Variants in LLGL2 observed in about 807,000 individuals in gnomAD.
LLGL2 encodes the protein LLGL scribble cell polarity complex component 2.
A neutral mutation model predicts 123.2 loss-of-function variants in LLGL2; 81 were observed. That is an observed-to-expected ratio of 0.66 (90% CI 0.55 to 0.79). LLGL2 has a LOEUF of 0.79. Ranked by LOEUF, LLGL2 falls within the 30% of genes least tolerant of loss-of-function variation. LLGL2 has a pLI of 0.00. For synonymous variants in LLGL2, 577 were observed against 594.1 expected (o/e 0.97, Z 0.42); for missense variants, 1,273 against 1,414.6 (o/e 0.90, Z 1.61).
rs1326747099 is a variant in LLGL2 at position 75,537,808 on chromosome 17, C to CT, written c.-30-5589_-30-5588insT. ...GATGGGAAGGCTTTTTGGAAGGTGA[C>CT]CTTTTTTTTTTTTTTTTTTTGAGAC... is the stretch of plus-strand genomic sequence containing the variant. On this transcript the variant is annotated intron_variant, in intron 1 of 25. Coordinates refer to ENST00000392550, the MANE Select transcript of LLGL2 (RefSeq NM_001031803.2). Among the ~76,000 whole-genome samples the CT allele has an allele frequency of 3.1e-4, 44 of 139,766 alleles. No individual in the cohort carries two copies. In the East Asian group the frequency reaches 7.1e-3, roughly 22 times the overall value. The allele number at this position is 139,766 out of a possible 152,430, so 91.7% of individuals were successfully genotyped here. A position where few individuals can be genotyped will look rare whatever the true frequency, so the allele number is the denominator to read the frequency against.
At chr17:75,527,480 T>G (rs2053613821) in intron 1 of LLGL2, among the ~76,000 whole-genome samples, 1 of 152,158 alleles carries the variant, frequency 6.6e-6, no homozygotes, top group Non-Finnish European at 1.5e-5. Flanking sequence ...GCAAGGGAGT[T>G]TCCCCTTTGG....
At position 75,558,918 on chromosome 17, in the gene LLGL2, C is replaced by T. The variant is rs1271628664; in HGVS notation, c.371+291C>T. On this transcript the variant is annotated intron_variant, in intron 5 of 25. Transcript: ENST00000392550. This position sits in a 1 kb window ranked among gnomAD's most constrained non-coding sequence, Gnocchi z 4.0. ...CCATCCACACCACGCCTCCTCCATC[C>T]GCACCCCACCTCCTCCATCCGCACC... 5.4e-4 allele frequency: 86 copies of T among 159,060 alleles called. 8 individuals are homozygous for T. Among genetic ancestry groups the T allele is most frequent in the African/African-American group, 3.1e-3 (71 of 22,758 alleles). The allele number at this position is 159,060 out of a possible 1,614,324, so 9.9% of individuals were successfully genotyped here.
At chr17:75,525,646 C>G (rs2053530868), upstream of LLGL2, 1 of 150,250 alleles carries the variant, frequency 6.7e-6, no homozygotes, top group Admixed American at 6.6e-5. The surrounding 1 kb of genome is among the most constrained non-coding windows in gnomAD (Gnocchi z 4.8). Flanking sequence ...GCGCTGGGCC[C>G]CGGCAGGCTC....
chr17:75,571,234 A>T, intron 17 of LLGL2, 134 bp downstream of exon 17: 1 of 834,252 alleles, frequency 1.2e-6, no homozygotes, highest in Non-Finnish European at 1.9e-6. Flanking sequence ...GCAGGGGCAG[A>T]CTGCAGCCCC....
chr17:75,560,802 TAAAAAAAAAA>T (rs372940306), intron 6 of LLGL2, among the ~76,000 whole-genome samples: 3,368 of 96,154 alleles, frequency 0.035, 79 homozygotes, highest in Middle Eastern at 0.086. Flanking sequence ...GTTTATTTAT[TAAAAAAAAAA>T]AAAAAAAAAA....
In LLGL2 at chr17:75,549,667, G is replaced by GGA. The variant is rs1431211553; in HGVS notation, c.75+6168_75+6169dup. ...TCGGGCAGAGTGGCCCGGCCAGGCA[G>GGA]GAGTGCTCCCCCAAGGTGCTGGGCA... On this transcript the variant is annotated intron_variant, in intron 2 of 25. Transcript: ENST00000392550. This position sits in a 1 kb window ranked among gnomAD's most constrained non-coding sequence, Gnocchi z 4.0. 7.9e-5 allele frequency among the ~76,000 whole-genome samples: 12 copies of GGA among 152,346 alleles called. No homozygotes were observed. In the East Asian group the frequency reaches 1.9e-3, roughly 24 times the overall value.
intron 20 of LLGL2, 39 bp from the exon 21 acceptor site, chr17:75,573,442 C>T: frequency 6.3e-6 from 10 of 1,588,538 alleles, no homozygotes; most frequent in Non-Finnish European, 8.6e-6. Flanking sequence ...GCCTTGGCAG[C>T]CGCCAGGCCA....
intron 1 of LLGL2, among the ~76,000 whole-genome samples, chr17:75,526,609 G>A (rs561807019): frequency 6.6e-6 from 1 of 152,228 alleles, no homozygotes; most frequent in South Asian, 2.1e-4. Context: ...ACCTGAACAG[G>A]TGAGCTTTGA....
rs753151934 is a variant in LLGL2, at chr17:75,570,393, C to G, written c.1920C>G (p.Leu640=). 1.9e-6 allele frequency: 3 copies of G among 1,611,066 alleles called. No homozygotes were observed. The highest frequency in any genetic ancestry group is 1.7e-6 in the Non-Finnish European group (2 of 1,179,174). Residue 640 remains leucine (L), a synonymous_variant, in exon 16 of 26, where the codon CTC becomes CTG. Transcript: ENST00000392550. The part of the protein sequence containing the change: ...PSDQLALEGP[L]SRVKSLKKSL... ...ACCAGCTGGCCTTGGAGGGCCCACT[C>G]TCCCGCGTCAAGTCCCTCAAGAAGT...
Position 75,574,386 on chromosome 17 carries a change from G to A in LLGL2, c.2954-67G>A, listed in dbSNP as rs2055878086. ...ATCCATGGGCACCCACGGAGAAAGG[G>A]GGTGGAAGGGCTGTGGCTAGCCGCC... is the stretch of plus-strand genomic sequence containing the variant. On this transcript the variant is annotated intron_variant, in intron 23 of 25. Transcript: ENST00000392550. The A allele has an allele frequency of 2.6e-6, 4 of 1,543,116 alleles. No individual in the cohort carries two copies. The South Asian group carries it at 4.8e-5, about 18-fold the overall frequency.
At chr17:75,555,503 G>A (rs994470784) in intron 2 of LLGL2, among the ~76,000 whole-genome samples, 5 of 152,168 alleles carry the variant, frequency 3.3e-5, no homozygotes, top group African/African-American at 1.2e-4. Flanking sequence ...CTGGGAAGAT[G>A]GTTGGAATTT....
At chr17:75,569,506 C>T (rs142394959) in intron 14 of LLGL2, among the ~76,000 whole-genome samples, 181 bp downstream of exon 14, 1 of 152,272 alleles carries the variant, frequency 6.6e-6, no homozygotes, top group East Asian at 1.9e-4. Flanking sequence ...CTCCAGAAAT[C>T]GGAATTAAGG....
In LLGL2 at chr17:75,570,474, G is replaced by C. The variant is rs751128543; in HGVS notation, c.2001G>C (p.Arg667=). 3 of 1,581,612 alleles carry C rather than the reference G, an allele frequency of 1.9e-6. No homozygotes were observed. In the African/African-American group the frequency reaches 4.0e-5, roughly 21 times the overall value. ...GGAGCCGGGTGTCCAGCCGGAAGCGGCACCCGGCTGGCCCCCCAGGAGAGG... is the reference window on the plus strand; with the variant it reads ...GGAGCCGGGTGTCCAGCCGGAAGCGCCACCCGGCTGGCCCCCCAGGAGAGG... ...MRRSRVSSRK[R]HPAGPPGEAQ... The change falls in exon 16 of 26, where the codon CGG becomes CGC. Residue 667 remains arginine, a synonymous_variant. Transcript: ENST00000392550.
rs1431774891 is a variant in LLGL2, at chr17:75,564,734, C to T, written c.1036+227C>T. The T allele has an allele frequency of 2.3e-5, 14 of 608,728 alleles. No individual in the cohort carries two copies. The highest frequency in any genetic ancestry group is 5.5e-5 in the South Asian group (2 of 36,364). The allele number at this position is 608,728 out of a possible 1,614,324, so 37.7% of individuals were successfully genotyped here. A position where few individuals can be genotyped will look rare whatever the true frequency, so the allele number is the denominator to read the frequency against. Reference sequence around the variant, plus strand: ...AAAAAATTAGCCAGGTGTTGTGGCACGTACCTGTAGTCCTAGCTACTCAGG... The same window carrying T: ...AAAAAATTAGCCAGGTGTTGTGGCATGTACCTGTAGTCCTAGCTACTCAGG... On this transcript the variant is annotated intron_variant, in intron 10 of 25. Transcript: ENST00000392550. This position sits in a 1 kb window ranked among gnomAD's most constrained non-coding sequence, Gnocchi z 4.9.
chr17:75,560,863 T>C (rs1275841404), intron 6 of LLGL2, among the ~76,000 whole-genome samples: 1 of 143,912 alleles, frequency 6.9e-6, no homozygotes, highest in African/African-American at 2.6e-5. Flanking sequence ...TGAGAGAGTC[T>C]TACTCTGTCC....
In LLGL2 at chr17:75,559,505, C is replaced by T. The variant is rs1185675231; in HGVS notation, c.530+95C>T. On this transcript the variant is annotated intron_variant, in intron 6 of 25. Coordinates refer to ENST00000392550, the MANE Select transcript of LLGL2 (RefSeq NM_001031803.2). This position sits in a 1 kb window ranked among gnomAD's most constrained non-coding sequence, Gnocchi z 4.6. ...AGGACTCTGTCAGGAGCTGTCATTTCTCTGCTGGGAATTCCATGGGGCTAT... is the reference window on the plus strand; with the variant it reads ...AGGACTCTGTCAGGAGCTGTCATTTTTCTGCTGGGAATTCCATGGGGCTAT... 4.8e-6 allele frequency: 7 copies of T among 1,447,624 alleles called. No individual in the cohort carries two copies. Among genetic ancestry groups the T allele is most frequent in the Non-Finnish European group, 3.7e-6 (4 of 1,084,508 alleles). The allele number at this position is 1,447,624 out of a possible 1,614,324, so 89.7% of individuals were successfully genotyped here.
rs1598594808 is a variant in LLGL2 at position 75,558,691 on chromosome 17, G to A, written c.371+64G>A. On this transcript the variant is annotated intron_variant, in intron 5 of 25. Transcript: ENST00000392550. This position sits in a 1 kb window ranked among gnomAD's most constrained non-coding sequence, Gnocchi z 4.0. ...AGCCTGACCCTTGCCCTTAGCTCTG[G>A]AGTGGACTCACCCTTTGTGAGGCCT... 7.6e-7 allele frequency: 1 copy of A among 1,320,824 alleles called. No homozygotes were observed. The highest frequency in any genetic ancestry group is 1.1e-6 in the Non-Finnish European group (1 of 940,056). The allele number at this position is 1,320,824 out of a possible 1,614,324, so 81.8% of individuals were successfully genotyped here. A position where few individuals can be genotyped will look rare whatever the true frequency, so the allele number is the denominator to read the frequency against.
At chr17:75,548,267 A>ACAG (rs1568035302) in intron 2 of LLGL2, among the ~76,000 whole-genome samples, 3 of 149,570 alleles carry the variant, frequency 2.0e-5, no homozygotes, top group African/African-American at 7.4e-5. Context: ...CAGAAGGACA[A>ACAG]TTTTTTTTTT....
rs200304886 is a variant in LLGL2 at position 75,574,243 on chromosome 17, C to T, written c.2936C>T (p.Ala979Val). 1,427 of 1,510,790 alleles carry T rather than the reference C, an allele frequency of 9.4e-4. No homozygotes were observed. The highest frequency in any genetic ancestry group is 1.2e-3 in the Non-Finnish European group (1,364 of 1,126,370). 93.6% of individuals were successfully genotyped at this position (1,510,790 alleles called of 1,614,324 possible). A position where few individuals can be genotyped will look rare whatever the true frequency, so the allele number is the denominator to read the frequency against. ...CAGCCCGGCCTGGTGATGGAGCGCG[C>T]TCTGCTCAGTGATGAGAGTGAGTTG... The part of the protein sequence containing the change: ...EKQPGLVMER[A>V]LLSDERVLKE... The change falls in exon 23 of 26, where the codon GCT becomes GTT. Residue 979 changes from alanine to valine, a missense_variant. By Grantham distance (64) the Ala-to-Val change is moderately conservative. Transcript: ENST00000392550.
Sources: allele counts gnomAD v4.1 joint callset (sites outside exome capture counted in the v4.1 genomes callset), GRCh38; gene constraint gnomAD v4.1.1; non-coding constraint Gnocchi (gnomAD v3.1); transcripts MANE v1.5; gene names NCBI Gene and HGNC (gene_info 2026-07-23, HGNC 2026-07-21).